SYTL1: variants seen among roughly 807,000 people sequenced by gnomAD.
The protein encoded by SYTL1 is synaptotagmin-like protein 1.
A neutral mutation model predicts 74.6 loss-of-function variants in SYTL1; 53 were observed. The observed-to-expected ratio is 0.71, with a 90% CI of 0.57 to 0.89. SYTL1 has a LOEUF of 0.89. Ranked by LOEUF, SYTL1 falls within the 40% of genes least tolerant of loss-of-function variation. The probability of loss-of-function intolerance (pLI) is 0.00; values close to 1 mark genes in which losing one functional copy is unlikely to be tolerated. For synonymous variants in SYTL1, 329 were observed against 324.9 expected, an observed-to-expected ratio of 1.01 and a Z score of -0.14; for missense variants, 728 against 768.7, an observed-to-expected ratio of 0.95 and a Z score of 0.63.
chr1:27,350,563 G>T lies in SYTL1; in HGVS notation c.1005+78G>T. 7.8e-7 allele frequency: 1 copy of T among 1,288,366 alleles called. No homozygotes were observed. The allele number at this position is 1,288,366 out of a possible 1,614,324, so 79.8% of individuals were successfully genotyped here. On this transcript the variant is annotated intron_variant, in intron 10 of 14. Coordinates refer to ENST00000616558, the MANE Select transcript of SYTL1 (RefSeq NM_001193308.2). The surrounding 1 kb of genome is among the most constrained non-coding windows in gnomAD (Gnocchi z 6.3). ...CCTGCGGGGCTAGGTGGCAAGGGCA[G>T]CCAGTAACGTCATTGCCCGGAGGAT...
Position 27,349,954 on chromosome 1 carries a change from AC to A in SYTL1, c.748-15del. 1 of 1,569,142 alleles carries A rather than the reference AC, an allele frequency of 6.4e-7. No individual in the cohort carries two copies. Among genetic ancestry groups the A allele is most frequent in the South Asian group, 1.2e-5 (1 of 86,822 alleles). Reference sequence around the variant, plus strand: ...AGCCCTGCGAGCGGCCCTGACTCCCACCCACTCCCGTCCGCAGCTGAGCGGC... The same window carrying A: ...AGCCCTGCGAGCGGCCCTGACTCCCACCACTCCCGTCCGCAGCTGAGCGGC... On this transcript the variant is annotated splice_polypyrimidine_tract_variant and intron_variant, in intron 8 of 14. Coordinates refer to ENST00000616558, the MANE Select transcript of SYTL1 (RefSeq NM_001193308.2).
Position 27,353,871 on chromosome 1 carries a change from T to C in SYTL1, c.*19T>C. 5 of 1,607,256 alleles carry C rather than the reference T, an allele frequency of 3.1e-6. 1 individual carries two copies. The Middle Eastern group carries it at 8.3e-4, about 267-fold the overall frequency. Reference sequence around the variant, plus strand: ...GACGTAGCCCCACCAAGCCTCTCTCTCTGGACCCCCATCTCAGGGCCTGCC... The same window carrying C: ...GACGTAGCCCCACCAAGCCTCTCTCCCTGGACCCCCATCTCAGGGCCTGCC... On this transcript the variant is annotated 3_prime_UTR_variant, in exon 15 of 15. Transcript: ENST00000616558.
rs543249511 is a variant in SYTL1 at position 27,353,524 on chromosome 1, C to G, written c.1549+36C>G. 90 of 1,573,718 alleles carry G rather than the reference C, an allele frequency of 5.7e-5. 1 individual carries two copies. In the Middle Eastern group the frequency reaches 1.0e-3, roughly 18 times the overall value. On this transcript the variant is annotated intron_variant, in intron 14 of 14. Transcript: ENST00000616558. ...CAGCACCCTGAGACAGGCCCTGGGA[C>G]AGGCCCTGGGAGATGGGGGCTCAGT...
In SYTL1 at chr1:27,345,655, C is replaced by T; in HGVS notation, c.191+130C>T. 1.6e-6 allele frequency: 1 copy of T among 612,760 alleles called. No homozygotes were observed. The highest frequency in any genetic ancestry group is 2.7e-6 in the Non-Finnish European group (1 of 364,982). The allele number at this position is 612,760 out of a possible 1,614,324, so 38.0% of individuals were successfully genotyped here. ...GTTTTGCCCTTCAGTCTCCTCTGGC[C>T]TTGGCCAGCTCACAGCTCATCACTT... On this transcript the variant is annotated intron_variant, in intron 2 of 14. Transcript: ENST00000616558. The surrounding 1 kb of genome is among the most constrained non-coding windows in gnomAD (Gnocchi z 6.0).
rs1261580833 is a variant in SYTL1 at position 27,347,022 on chromosome 1, T to C, written c.192-399T>C. 6.6e-6 allele frequency among the ~76,000 whole-genome samples: 1 copy of C among 151,784 alleles called. No individual in the cohort carries two copies. Among genetic ancestry groups the C allele is most frequent in the Non-Finnish European group, 1.5e-5 (1 of 67,980 alleles). ...CTGTAGTCCCAGCTACTCAGGAGGC[T>C]GAGGTGGGAGGATCACTTGAGCCTG... On this transcript the variant is annotated intron_variant, in intron 2 of 14. Coordinates refer to ENST00000616558, the MANE Select transcript of SYTL1 (RefSeq NM_001193308.2). The surrounding 1 kb of genome is among the most constrained non-coding windows in gnomAD (Gnocchi z 4.9).
Position 27,349,715 on chromosome 1 carries a change from G to C in SYTL1, c.697G>C (p.Asp233His), listed in dbSNP as rs749804940. The C allele has an allele frequency of 4.3e-6, 7 of 1,610,710 alleles. No individual in the cohort carries two copies. The East Asian group carries it at 1.3e-4, about 31-fold the overall frequency. The change falls in exon 8 of 15, where the codon GAC becomes CAC. Residue 233 changes from aspartate (D) to histidine (H), a missense_variant. Physicochemically the swap from Asp to His is moderately conservative, Grantham distance 81. Transcript: ENST00000616558. Reference sequence around the variant, plus strand: ...GGCCCCGGGGCCCGACCCCTCTCTCGACCGCATGCTCAGCAGCAGCTCCTC... The same window carrying C: ...GGCCCCGGGGCCCGACCCCTCTCTCCACCGCATGCTCAGCAGCAGCTCCTC... The part of the protein sequence containing the change: ...EEAPGPDPSL[D>H]RMLSSSSSVS...
chr1:27,345,558 C>A lies in SYTL1; in HGVS notation c.191+33C>A. The A allele has an allele frequency of 6.8e-7, 1 of 1,462,408 alleles. No homozygotes were observed. The highest frequency in any genetic ancestry group is 9.3e-7 in the Non-Finnish European group (1 of 1,078,306). The allele number at this position is 1,462,408 out of a possible 1,614,324, so 90.6% of individuals were successfully genotyped here. On this transcript the variant is annotated intron_variant, in intron 2 of 14. Transcript: ENST00000616558. This position sits in a 1 kb window ranked among gnomAD's most constrained non-coding sequence, Gnocchi z 6.0. ...AGGGCAGACCCTGGCCGGGGAGCAC[C>A]AAGAGGCTTGAGTGGCCCCCATCCT...
chr1:27,346,813 G>A (rs746035401), intron 2 of SYTL1, among the ~76,000 whole-genome samples: 1 of 151,840 alleles, frequency 6.6e-6, no homozygotes, highest in Non-Finnish European at 1.5e-5. Context: ...TCTCTACCTG[G>A]AGAGTTCCAA....
rs751707916 is a variant in SYTL1, at chr1:27,345,362, G to A, written c.28G>A (p.Glu10Lys). ...GCCCCAGAGGGGCCACCCATCGCAA[G>A]AGGGGCTTTGGGCTCTGCCCTCCCT... MPQRGHPSQEGLWALPSLPM... is the reference protein window; with the variant it reads MPQRGHPSQKGLWALPSLPM... Residue 10 changes from glutamate to lysine, a missense_variant, in exon 2 of 15, where the codon GAG becomes AAG. Transcript: ENST00000616558. This position sits in a 1 kb window ranked among gnomAD's most constrained non-coding sequence, Gnocchi z 6.0. The A allele has an allele frequency of 4.5e-6, 7 of 1,542,456 alleles. No homozygotes were observed. In the African/African-American group the frequency reaches 9.7e-5, roughly 21 times the overall value.
intron 14 of SYTL1, 26 bp from the exon 15 acceptor site, chr1:27,353,687 C>A: frequency 6.2e-7 from 1 of 1,605,410 alleles, no homozygotes; most frequent in Non-Finnish European, 8.5e-7. Flanking sequence ...TGATCATGCC[C>A]TCAACCCCTG....
In SYTL1 at chr1:27,345,699, C is replaced by T. The variant is rs1276118645; in HGVS notation, c.191+174C>T. ...ATCACTTCTCCAGGGGTGACTGCAC[C>T]AGCTTTCTCGCCAGCCTCCCTGCCT... On this transcript the variant is annotated intron_variant, in intron 2 of 14. Transcript: ENST00000616558. The surrounding 1 kb of genome is among the most constrained non-coding windows in gnomAD (Gnocchi z 6.0). Among the ~76,000 whole-genome samples, 3 of 152,196 alleles carry T rather than the reference C, an allele frequency of 2.0e-5. No homozygotes were observed. Among genetic ancestry groups the T allele is most frequent in the African/African-American group, 7.2e-5 (3 of 41,454 alleles).
At position 27,349,448 on chromosome 1, in the gene SYTL1, C is replaced by A. The variant is rs746536870; in HGVS notation, c.583C>A (p.Leu195Met). 6.9e-7 allele frequency: 1 copy of A among 1,453,690 alleles called. No individual in the cohort carries two copies. The allele number at this position is 1,453,690 out of a possible 1,614,324, so 90.0% of individuals were successfully genotyped here. A position where few individuals can be genotyped will look rare whatever the true frequency, so the allele number is the denominator to read the frequency against. Residue 195 changes from leucine to methionine, a missense_variant, in exon 7 of 15, where the codon CTG becomes ATG. Leu to Met is a conservative substitution (Grantham distance 15). Coordinates refer to ENST00000616558, the MANE Select transcript of SYTL1 (RefSeq NM_001193308.2). ...QVCAEEADPE[L>M]EPASGGEQEP... The stretch of plus-strand genomic sequence containing the variant: ...CTGTGCCGAGGAGGCTGACCCGGAG[C>A]TGGAGCCCGCGTCGGGGGGAGAGCA...
rs2015047872 is a variant in SYTL1, at chr1:27,347,489, C to T, written c.260C>T (p.Ala87Val). 1.9e-6 allele frequency: 3 copies of T among 1,614,156 alleles called. No homozygotes were observed. Among genetic ancestry groups the T allele is most frequent in the East Asian group, 4.5e-5 (2 of 44,890 alleles). Residue 87 changes from alanine to valine, a missense_variant, in exon 3 of 15, where the codon GCA becomes GTA. Physicochemically the swap from Ala to Val is moderately conservative, Grantham distance 64. Coordinates refer to ENST00000616558, the MANE Select transcript of SYTL1 (RefSeq NM_001193308.2). This position sits in a 1 kb window ranked among gnomAD's most constrained non-coding sequence, Gnocchi z 4.9. ...KILTGDWFQEARSQRHHNAHF... is the reference protein window; with the variant it reads ...KILTGDWFQEVRSQRHHNAHF... ...CTGACAGGGGACTGGTTCCAGGAAG[C>T]ACGCTCCCAGCGGCACCACAATGCC...
rs1341473147 is a variant in SYTL1, at chr1:27,353,813, C to A, written c.1650C>A (p.Gly550=). The A allele has an allele frequency of 6.2e-7, 1 of 1,614,052 alleles. No individual in the cohort carries two copies. The highest frequency in any genetic ancestry group is 8.5e-7 in the Non-Finnish European group (1 of 1,179,936). ...LLEQPCEWVD[G]LLPLRTNLAP... is the part of the protein sequence containing the mutation. ...AGCAGCCGTGCGAATGGGTGGATGG[C>A]CTTCTACCCCTCAGAACCAACCTGG... Residue 550 remains glycine (G), a synonymous_variant, in exon 15 of 15, where the codon GGC becomes GGA. Transcript: ENST00000616558.
intron 5 of SYTL1, 58 bp from the exon 6 acceptor site, chr1:27,349,022 C>A: frequency 7.2e-7 from 1 of 1,392,306 alleles, no homozygotes; most frequent in Non-Finnish European, 1.0e-6. Flanking sequence ...CCAATATGAC[C>A]TTTGACCTCT....
rs1313498597 is a variant in SYTL1, at chr1:27,351,767, G to A, written c.1343+212G>A. The A allele has an allele frequency of 8.3e-6, 4 of 483,578 alleles. No individual in the cohort carries two copies. The highest frequency in any genetic ancestry group is 1.4e-5 in the Non-Finnish European group (4 of 276,226). 30.0% of individuals were successfully genotyped at this position (483,578 alleles called of 1,614,324 possible). ...ATTTCAGCGTGACTGGCGCCTATAG[G>A]ACTTGTTGAAAAGCTGAGGCTGAGG... On this transcript the variant is annotated intron_variant, in intron 13 of 14. Coordinates refer to ENST00000616558, the MANE Select transcript of SYTL1 (RefSeq NM_001193308.2). This position sits in a 1 kb window ranked among gnomAD's most constrained non-coding sequence, Gnocchi z 5.0.
rs374041710 is a variant in SYTL1, at chr1:27,348,139, C to T, written c.459+127C>T. 24 of 847,566 alleles carry T rather than the reference C, an allele frequency of 2.8e-5. No homozygotes were observed. The highest frequency in any genetic ancestry group is 1.8e-4 in the African/African-American group (11 of 60,188). The allele number at this position is 847,566 out of a possible 1,614,324, so 52.5% of individuals were successfully genotyped here. A position where few individuals can be genotyped will look rare whatever the true frequency, so the allele number is the denominator to read the frequency against. On this transcript the variant is annotated intron_variant, in intron 5 of 14. Coordinates refer to ENST00000616558, the MANE Select transcript of SYTL1 (RefSeq NM_001193308.2). The surrounding 1 kb of genome is among the most constrained non-coding windows in gnomAD (Gnocchi z 4.1). ...CTGGAAATGTTCCTTCCTGTGTCTG[C>T]ACCTCATCACCTCCTGGGTGGAACA...
chr1:27,349,897 G>T, intron 8 of SYTL1, 75 bp from the exon 9 acceptor site: 1 of 1,542,106 alleles, frequency 6.5e-7, no homozygotes, highest in Non-Finnish European at 8.7e-7. Flanking sequence ...ACCCGGGTCT[G>T]AAGCCTCCGC....
chr1:27,349,548 G>C, intron 7 of SYTL1, 50 bp downstream of exon 7: 1 of 1,470,188 alleles, frequency 6.8e-7, no homozygotes, highest in Non-Finnish European at 9.0e-7. Context: ...GCGGACTCCG[G>C]GCGGGGAGCG....
Sources: gnomAD v4.1 joint callset for allele counts (sites outside exome capture counted in the v4.1 genomes callset) on GRCh38, gnomAD v4.1.1 for gene constraint, Gnocchi (gnomAD v3.1) non-coding constraint, MANE v1.5 for transcripts, NCBI Gene and HGNC (gene_info 2026-07-23, HGNC 2026-07-21) for gene names.